The following PDE2A variants were observed in gnomAD, a reference collection of about 807,000 sequenced individuals.
PDE2A encodes cGMP-dependent 3',5'-cyclic phosphodiesterase.
In PDE2A, 53 loss-of-function variants were observed where a neutral mutation model predicts 133.6. The ratio of observed to expected loss-of-function variants is 0.40; its 90% CI spans 0.32 to 0.50. The LOEUF is 0.50. PDE2A is among the 20% of genes least tolerant of loss of function. The probability of loss-of-function intolerance (pLI) is 0.73; values close to 1 mark genes in which losing one functional copy is unlikely to be tolerated. For synonymous variants in PDE2A, 491 were observed against 490.2 expected, an observed-to-expected ratio of 1.00 and a Z score of -0.02; for missense variants, 796 against 1,232.4, an observed-to-expected ratio of 0.65 and a Z score of 5.30.
At chr11:72,661,172 G>A (rs189167421) in intron 1 of PDE2A, among the ~76,000 whole-genome samples, 2 of 152,204 alleles carry the variant, frequency 1.3e-5, no homozygotes, top group Non-Finnish European at 2.9e-5. Context: ...AGGCATGGTG[G>A]TGCGCACCTG....
chr11:72,604,714 T>G (rs186549761), intron 4 of PDE2A, among the ~76,000 whole-genome samples: 32 of 152,270 alleles, frequency 2.1e-4, no homozygotes, highest in Non-Finnish European at 3.5e-4. Flanking sequence ...GCCTGTGATC[T>G]CCCTGTTCTC....
intron 2 of PDE2A, among the ~76,000 whole-genome samples, chr11:72,611,564 G>T (rs1186324999): frequency 6.6e-6 from 1 of 152,220 alleles, no homozygotes; most frequent in East Asian, 1.9e-4. Flanking sequence ...CCAAGTGCAG[G>T]ATAGTAGCAA....
chr11:72,636,890 A>G (rs1027057813), intron 2 of PDE2A, among the ~76,000 whole-genome samples: 4 of 152,078 alleles, frequency 2.6e-5, no homozygotes, highest in Admixed American at 2.6e-4. Context: ...CCCAGGGTCA[A>G]TTTCCCTCCA....
intron 1 of PDE2A, among the ~76,000 whole-genome samples, chr11:72,669,389 G>A (rs1488241161): frequency 2.6e-5 from 4 of 152,000 alleles, no homozygotes; most frequent in Non-Finnish European, 4.4e-5. Flanking sequence ...CCTGTTTTTC[G>A]GGGTGGGGGG....
intron 2 of PDE2A, among the ~76,000 whole-genome samples, chr11:72,626,580 C>T (rs1858084476): frequency 6.6e-6 from 1 of 152,220 alleles, no homozygotes; most frequent in Non-Finnish European, 1.5e-5. Flanking sequence ...TCCAGCCTCA[C>T]CCCAGGACTT....
intron 13 of PDE2A, 36 bp from the exon 14 acceptor site, chr11:72,586,217 G>T: frequency 8.0e-7 from 1 of 1,254,012 alleles, no homozygotes; most frequent in Admixed American, 1.8e-5. Flanking sequence ...GGAGGGAAGG[G>T]AAGACTGGCT....
At chr11:72,601,856 A>G (rs1856763568) in intron 4 of PDE2A, among the ~76,000 whole-genome samples, 1 of 152,128 alleles carries the variant, frequency 6.6e-6, no homozygotes, top group Non-Finnish European at 1.5e-5. Context: ...ACCAGCCCTC[A>G]ATATCAGAAT....
chr11:72,605,275 G>A (rs1856921393), intron 3 of PDE2A, 49 bp from the exon 4 acceptor site: 2 of 1,219,290 alleles, frequency 1.6e-6, no homozygotes, highest in Non-Finnish European at 2.4e-6. Flanking sequence ...CCTCCCAGCT[G>A]CCCAGTCCCA....
chr11:72,669,774 G>A (rs987236422), intron 1 of PDE2A, among the ~76,000 whole-genome samples: 3 of 152,114 alleles, frequency 2.0e-5, no homozygotes, highest in South Asian at 2.1e-4. Context: ...TTGTTTGCAC[G>A]CCACTTTCTG....
intron 2 of PDE2A, chr11:72,615,034 C>A: frequency 2.1e-6 from 1 of 470,962 alleles, no homozygotes; most frequent in East Asian, 6.3e-5. Flanking sequence ...CACCCTCCTG[C>A]CCACCCTTCG....
At chr11:72,645,767 G>A (rs1161493972) in intron 1 of PDE2A, among the ~76,000 whole-genome samples, 3 of 152,194 alleles carry the variant, frequency 2.0e-5, no homozygotes, top group Non-Finnish European at 4.4e-5. Flanking sequence ...TATACATCTG[G>A]GGCTGGGAGG....
At chr11:72,580,443 T>C in intron 25 of PDE2A, 134 bp downstream of exon 25, 1 of 718,060 alleles carries the variant, frequency 1.4e-6, no homozygotes, top group Non-Finnish European at 2.5e-6. Flanking sequence ...GAGCCAGACA[T>C]GTCCTAGGTG....
intron 1 of PDE2A, 144 bp from the exon 2 acceptor site, chr11:72,642,470 G>A: frequency 1.1e-6 from 1 of 879,638 alleles, no homozygotes. Flanking sequence ...TGTCCGCCCC[G>A]GCCCCGCCCC....
intron 2 of PDE2A, among the ~76,000 whole-genome samples, chr11:72,631,624 C>A (rs1385590942): frequency 6.6e-6 from 1 of 152,178 alleles, no homozygotes; most frequent in African/African-American, 2.4e-5. Context: ...GAATGTGAGA[C>A]CATGTGGGAG....
chr11:72,582,600 C>G (rs764552308), intron 20 of PDE2A, 34 bp from the exon 21 acceptor site: 3 of 1,585,060 alleles, frequency 1.9e-6, no homozygotes, highest in Non-Finnish European at 1.7e-6. Context: ...TAGAAGACAG[C>G]CTTCACCCCA....
intron 1 of PDE2A, 146 bp downstream of exon 1, chr11:72,673,991 C>T (rs1042907432): frequency 3.8e-5 from 29 of 760,226 alleles, no homozygotes; most frequent in Admixed American, 2.8e-4. Flanking sequence ...TCTGGCAACG[C>T]GGGGAGGAGG....
chr11:72,594,650 C>T (rs911409708), intron 6 of PDE2A, among the ~76,000 whole-genome samples: 12 of 152,132 alleles, frequency 7.9e-5, no homozygotes, highest in Non-Finnish European at 1.2e-4. Flanking sequence ...TGCACCCCTA[C>T]TTCAGCTTCC....
At chr11:72,658,119 T>G in intron 1 of PDE2A, 1 of 456,246 alleles carries the variant, frequency 2.2e-6, no homozygotes, top group Non-Finnish European at 4.4e-6. Flanking sequence ...GCCGGATGTC[T>G]TCTCAGCTAA....
At chr11:72,589,312 C>A in intron 11 of PDE2A, 72 bp from the exon 12 acceptor site, 1 of 1,137,050 alleles carries the variant, frequency 8.8e-7, no homozygotes. Flanking sequence ...TGTCCCCACC[C>A]TCAAATCTGG....
Sources: allele counts gnomAD v4.1 joint callset (sites outside exome capture counted in the v4.1 genomes callset), GRCh38; gene constraint gnomAD v4.1.1; transcripts MANE v1.5; gene names NCBI Gene and HGNC (gene_info 2026-07-23, HGNC 2026-07-21).